Variants in PRR12 observed in about 807,000 individuals in gnomAD.
PRR12 encodes proline-rich protein 12.
PRR12 carries 12 observed loss-of-function variants against 138.0 expected under a neutral mutation model. The ratio of observed to expected loss-of-function variants is 0.09; its 90% CI spans 0.06 to 0.14. The LOEUF is 0.14. PRR12 is among the 10% of genes least tolerant of loss of function. The pLI is 1.00. For missense variants in PRR12, 2,692 were observed against 2,861.3 expected (o/e 0.94, Z 1.35); for synonymous variants, 1,567 against 1,291.7 (o/e 1.21, Z -4.57).
intron 10 of PRR12, 42 bp from the exon 11 acceptor site, chr19:49,621,483 G>T (rs1280801883): frequency 1.3e-6 from 2 of 1,497,224 alleles, no homozygotes; most frequent in East Asian, 2.4e-5. Context: ...CCAGTGCTTT[G>T]TGAGGCTGTG....
intron 6 of PRR12, among the ~76,000 whole-genome samples, chr19:49,610,591 G>A (rs1176129725): frequency 7.4e-6 from 1 of 134,844 alleles, no homozygotes; most frequent in Non-Finnish European, 1.5e-5. Flanking sequence ...TGCCCAAGCT[G>A]GAGTGCTGTG....
Position 49,599,565 on chromosome 19 carries a change from C to T in PRR12, c.3972C>T (p.Pro1324=), listed in dbSNP as rs1171728998. 6.3e-7 allele frequency: 1 copy of T among 1,595,192 alleles called. No individual in the cohort carries two copies. Among genetic ancestry groups the T allele is most frequent in the African/African-American group, 1.3e-5 (1 of 74,642 alleles). The change falls in exon 5 of 14, where the codon CCC becomes CCT. Residue 1324 remains proline, a synonymous_variant. Transcript: ENST00000418929. This position sits in a 1 kb window ranked among gnomAD's most constrained non-coding sequence, Gnocchi z 5.0. ...CTGTGCCAGCCCGAGGCCTGCAGCCCCAGCCCCCTGCCACCCCTGCTGTGC... is the reference window on the plus strand; with the variant it reads ...CTGTGCCAGCCCGAGGCCTGCAGCCTCAGCCCCCTGCCACCCCTGCTGTGC... ...PPSVPARGLQ[P]QPPATPAVPH...
intron 2 of PRR12, 132 bp downstream of exon 2, chr19:49,593,571 C>T (rs1046398604): frequency 1.7e-6 from 1 of 578,468 alleles, no homozygotes; most frequent in Non-Finnish European, 3.1e-6. Context: ...GCTGTGTCTC[C>T]TCTGATTGGT....
rs575944908 is a variant in PRR12, at chr19:49,603,297, T to C, written c.4773+1379T>C. ...GGAGGTCAGCCCATTCTCACCCTGATGGTGGCATGGACGCCAAGGCCATTC... is the reference window on the plus strand; with the variant it reads ...GGAGGTCAGCCCATTCTCACCCTGACGGTGGCATGGACGCCAAGGCCATTC... On this transcript the variant is annotated intron_variant, in intron 6 of 13. Coordinates refer to ENST00000418929, the MANE Select transcript of PRR12 (RefSeq NM_020719.3). Among the ~76,000 whole-genome samples the C allele has an allele frequency of 1.4e-4, 21 of 152,388 alleles. No individual in the cohort carries two copies. The East Asian group carries it at 3.7e-3, about 27-fold the overall frequency.
At chr19:49,593,473 C>A (rs766572569) in intron 2 of PRR12, 34 bp downstream of exon 2, 2 of 763,180 alleles carry the variant, frequency 2.6e-6, no homozygotes, top group Non-Finnish European at 2.0e-6. Flanking sequence ...TTTGGGCTGG[C>A]CCTCCCCCTC....
intron 10 of PRR12, among the ~76,000 whole-genome samples, 163 bp from the exon 11 acceptor site, chr19:49,621,362 A>ACTCCTGGGTCTGAGGGAGGAGGGT: frequency 5.1e-5 from 1 of 19,732 alleles, no homozygotes. Context: ...GGGAGGAGGG[A>ACTCCTGGGTCTGAGGGAGGAGGGT]GCTGGGGCCT....
chr19:49,597,570 C>A lies in PRR12; in HGVS notation c.3235C>A (p.His1079Asn). 6.2e-7 allele frequency: 1 copy of A among 1,600,536 alleles called. No homozygotes were observed. Among genetic ancestry groups the A allele is most frequent in the Admixed American group, 1.7e-5 (1 of 58,654 alleles). The stretch of plus-strand genomic sequence containing the variant: ...GAAGCTGCTCAAGACATCCTCCTTC[C>A]ACCTGCTGCGGCGCCGCGACCCACC... ...PKKLLKTSSF[H>N]LLRRRDPPFQ... is the part of the protein sequence containing the mutation. The change falls in exon 4 of 14, where the codon CAC becomes AAC. Residue 1079 changes from histidine to asparagine, a missense_variant. Around this residue, in one of 11 missense-constraint regions of PRR12, gnomAD observed 840 missense variants for 689.8 expected, o/e 1.22. Transcript: ENST00000418929. This position sits in a 1 kb window ranked among gnomAD's most constrained non-coding sequence, Gnocchi z 6.3.
Position 49,595,572 on chromosome 19 carries a change from G to A in PRR12, c.1237G>A (p.Ala413Thr), listed in dbSNP as rs751132747. The A allele has an allele frequency of 2.1e-5, 32 of 1,554,334 alleles. No homozygotes were observed. Among genetic ancestry groups the A allele is most frequent in the Middle Eastern group, 1.8e-4 (1 of 5,712 alleles). The change falls in exon 4 of 14, where the codon GCC becomes ACC. Residue 413 changes from alanine (A) to threonine (T), a missense_variant. Coordinates refer to ENST00000418929, the MANE Select transcript of PRR12 (RefSeq NM_020719.3). ...ATRPPPPRST[A>T]TPKCQSLGGP... Reference sequence around the variant, plus strand: ...CAGGCCCCCCCCACCCCGTTCGACCGCCACCCCCAAATGTCAGAGCCTGGG... The same window carrying A: ...CAGGCCCCCCCCACCCCGTTCGACCACCACCCCCAAATGTCAGAGCCTGGG...
At chr19:49,610,418 A>G (rs950812176) in intron 6 of PRR12, among the ~76,000 whole-genome samples, 4 of 152,230 alleles carry the variant, frequency 2.6e-5, no homozygotes, top group African/African-American at 4.8e-5. Context: ...TGCTCAGCCT[A>G]TAGGGCCAAG....
Position 49,601,545 on chromosome 19 carries a change from C to T in PRR12, c.4400C>T (p.Pro1467Leu). 1 of 1,540,598 alleles carries T rather than the reference C, an allele frequency of 6.5e-7. No homozygotes were observed. The highest frequency in any genetic ancestry group is 8.8e-7 in the Non-Finnish European group (1 of 1,139,764). Residue 1467 changes from proline to leucine, a missense_variant, in exon 6 of 14, where the codon CCT (proline) becomes CTT (leucine). Pro to Leu is a moderately conservative substitution (Grantham distance 98). Around this residue, in one of 11 missense-constraint regions of PRR12, gnomAD observed 231 missense variants for 200.8 expected, o/e 1.15. Coordinates refer to ENST00000418929, the MANE Select transcript of PRR12 (RefSeq NM_020719.3). ...CCCACTCCACCTCCTGCCCCGACTC[C>T]TCAGCCTCAGCCTCCGCCACCCCCT... The part of the protein sequence containing the change: ...PPPTPPPAPT[P>L]QPQPPPPPPP...
At chr19:49,613,330 C>CAA (rs781467379) in intron 6 of PRR12, among the ~76,000 whole-genome samples, 27 of 76,654 alleles carry the variant, frequency 3.5e-4, no homozygotes, top group Non-Finnish European at 3.8e-4. Context: ...GGCTCCATCT[C>CAA]AAAAAAAAAA....
chr19:49,613,330 CAAAAAAAAAA>C (rs781467379), intron 6 of PRR12, among the ~76,000 whole-genome samples: 1 of 76,708 alleles, frequency 1.3e-5, no homozygotes, highest in African/African-American at 4.1e-5. Context: ...GGCTCCATCT[CAAAAAAAAAA>C]AAAAAAAAAA....
chr19:49,618,115 A>C (rs879917072), intron 9 of PRR12, among the ~76,000 whole-genome samples: 1 of 152,170 alleles, frequency 6.6e-6, no homozygotes, highest in Non-Finnish European at 1.5e-5. Flanking sequence ...GAATGAACGA[A>C]CGAATGAATG....
rs781467379 is a variant in PRR12, at chr19:49,613,330, C to CAAAA, written c.4774-1184_4774-1181dup. ...AGCCTGGCTGACTGAGGCTCCATCT[C>CAAAA]AAAAAAAAAAAAAAAAAAAAAATCT... On this transcript the variant is annotated intron_variant, in intron 6 of 13. Coordinates refer to ENST00000418929, the MANE Select transcript of PRR12 (RefSeq NM_020719.3). Among the ~76,000 whole-genome samples the CAAAA allele has an allele frequency of 1.2e-4, 9 of 76,694 alleles. No homozygotes were observed. In the East Asian group the frequency reaches 3.0e-3, roughly 26 times the overall value. The allele number at this position is 76,694 out of a possible 152,430, so 50.3% of individuals were successfully genotyped here. A position where few individuals can be genotyped will look rare whatever the true frequency, so the allele number is the denominator to read the frequency against.
Position 49,597,100 on chromosome 19 carries a change from A to G in PRR12, c.2765A>G (p.Lys922Arg). ...AYRSPSPQGT[K>R]APRFVPLTSI... ...CGCAGCCCCAGCCCGCAAGGCACCA[A>G]GGCGCCGCGTTTCGTGCCGCTCACC... is the stretch of plus-strand genomic sequence containing the variant. The change falls in exon 4 of 14, where the codon AAG becomes AGG. Residue 922 changes from lysine to arginine, a missense_variant. Transcript: ENST00000418929. This position sits in a 1 kb window ranked among gnomAD's most constrained non-coding sequence, Gnocchi z 6.3. 1.9e-6 allele frequency: 3 copies of G among 1,551,354 alleles called. No homozygotes were observed. The highest frequency in any genetic ancestry group is 2.6e-6 in the Non-Finnish European group (3 of 1,147,622).
In PRR12 at chr19:49,596,270, C is replaced by T. The variant is rs1461425507; in HGVS notation, c.1935C>T (p.His645=). The change falls in exon 4 of 14, where the codon CAC becomes CAT. Residue 645 remains histidine, a synonymous_variant. Transcript: ENST00000418929. This position sits in a 1 kb window ranked among gnomAD's most constrained non-coding sequence, Gnocchi z 5.6. ...AGGATGAGGAGTTCCTTATCCAGCACCTCTTGCAGGCGCCCAGCCCTCCTC... is the reference window on the plus strand; with the variant it reads ...AGGATGAGGAGTTCCTTATCCAGCATCTCTTGCAGGCGCCCAGCCCTCCTC... The part of the protein sequence containing the change: ...RTEDEEFLIQ[H]LLQAPSPPRT... 2.5e-6 allele frequency: 4 copies of T among 1,611,474 alleles called. No homozygotes were observed. The highest frequency in any genetic ancestry group is 2.2e-5 in the South Asian group (2 of 91,022).
At chr19:49,598,471 G>A (rs2080790725) in intron 4 of PRR12, among the ~76,000 whole-genome samples, 1 of 152,120 alleles carries the variant, frequency 6.6e-6, no homozygotes, top group Non-Finnish European at 1.5e-5. Context: ...AATCTGTGAG[G>A]AAGTTAGCGT....
chr19:49,592,032 G>A (rs1450085364), intron 1 of PRR12, among the ~76,000 whole-genome samples: 1 of 152,228 alleles, frequency 6.6e-6, no homozygotes, highest in African/African-American at 2.4e-5. Context: ...GGCGAAGCAA[G>A]GCCTGGACTT....
intron 6 of PRR12, among the ~76,000 whole-genome samples, chr19:49,606,765 C>T (rs12973440): frequency 8.2e-4 from 123 of 149,622 alleles, no homozygotes; most frequent in African/African-American, 2.8e-3. Flanking sequence ...TCCTGCCTCA[C>T]CCTCCTGAGT....
Sources: allele counts gnomAD v4.1 joint callset (sites outside exome capture counted in the v4.1 genomes callset), GRCh38; gene constraint gnomAD v4.1.1; regional missense constraint gnomAD v4.1.1; non-coding constraint Gnocchi (gnomAD v3.1); transcripts MANE v1.5; gene names NCBI Gene and HGNC (gene_info 2026-07-23, HGNC 2026-07-21).